The following ZDHHC7 variants were observed in gnomAD, a reference collection of about 807,000 sequenced individuals.
The protein encoded by ZDHHC7 is zDHHC palmitoyltransferase 7.
A neutral mutation model predicts 34.1 loss-of-function variants in ZDHHC7; 12 were observed. The observed-to-expected ratio is 0.35, with a 90% CI of 0.23 to 0.57. The LOEUF (loss-of-function observed/expected upper bound fraction) is 0.57, where lower values mean the gene tolerates loss of function less well. Ranked by LOEUF, ZDHHC7 falls within the 20% of genes least tolerant of loss-of-function variation. The pLI is 0.84. For missense variants in ZDHHC7, 388 were observed against 402.7 expected, an observed-to-expected ratio of 0.96 and a Z score of 0.31; for synonymous variants, 185 against 155.4, an observed-to-expected ratio of 1.19 and a Z score of -1.42.
chr16:84,978,656 A>G (rs1320055616), intron 5 of ZDHHC7, among the ~76,000 whole-genome samples: 2 of 152,168 alleles, frequency 1.3e-5, no homozygotes, highest in African/African-American at 4.8e-5. Flanking sequence ...TGAGGTCGGG[A>G]GTTCAAGACC....
chr16:84,993,187 G>A (rs1040732198), intron 2 of ZDHHC7, among the ~76,000 whole-genome samples: 13 of 151,826 alleles, frequency 8.6e-5, no homozygotes, highest in African/African-American at 3.1e-4. Flanking sequence ...CAGGCATGGT[G>A]GCTTGCGCTT....
At chr16:84,987,029 G>A (rs191459236) in intron 3 of ZDHHC7, among the ~76,000 whole-genome samples, 5 of 152,322 alleles carry the variant, frequency 3.3e-5, no homozygotes, top group African/African-American at 9.6e-5. Context: ...CCTGCTCTGA[G>A]GACTGCCCTT....
chr16:85,004,713 G>A (rs147242245), intron 1 of ZDHHC7, among the ~76,000 whole-genome samples: 1 of 152,138 alleles, frequency 6.6e-6, no homozygotes, highest in Non-Finnish European at 1.5e-5. Flanking sequence ...CATTTCTTGA[G>A]TGAATAAGTA....
At chr16:84,980,032 C>G (rs567069399) in intron 4 of ZDHHC7, among the ~76,000 whole-genome samples, 2 of 149,144 alleles carry the variant, frequency 1.3e-5, no homozygotes, top group East Asian at 4.0e-4. Flanking sequence ...TCAATCTCAG[C>G]TCCCTGCAAG....
At chr16:84,977,609 G>A (rs1444771564) in intron 6 of ZDHHC7, among the ~76,000 whole-genome samples, 2 of 152,176 alleles carry the variant, frequency 1.3e-5, no homozygotes, top group Non-Finnish European at 2.9e-5. Flanking sequence ...AGACCTCACT[G>A]CATATCTAAG....
chr16:85,022,167 A>G, the ZDHHC7 span, among the ~76,000 whole-genome samples: 2 of 151,338 alleles, frequency 1.3e-5, no homozygotes, highest in Admixed American at 6.6e-5. Context: ...CTCAAAAAAA[A>G]AAAAGGGCAA....
chr16:85,016,941 T>C, the ZDHHC7 span, among the ~76,000 whole-genome samples: 26 of 121,508 alleles, frequency 2.1e-4, no homozygotes, highest in South Asian at 5.4e-4. Flanking sequence ...ATTTCTTTTT[T>C]CTTTTGCTTT....
At chr16:84,996,899 C>T (rs914503469) in intron 1 of ZDHHC7, among the ~76,000 whole-genome samples, 1 of 151,708 alleles carries the variant, frequency 6.6e-6, no homozygotes, top group African/African-American at 2.4e-5. Flanking sequence ...TGGTGGTGGG[C>T]GCTTGTAATC....
intron 1 of ZDHHC7, among the ~76,000 whole-genome samples, chr16:84,999,916 G>T (rs941223516): frequency 5.9e-5 from 9 of 152,280 alleles, no homozygotes; most frequent in Admixed American, 3.3e-4. Flanking sequence ...GGAGTCCAAG[G>T]CAGGATCACT....
intron 1 of ZDHHC7, among the ~76,000 whole-genome samples, chr16:85,007,880 C>T (rs1373581934): frequency 5.3e-5 from 8 of 151,928 alleles, no homozygotes; most frequent in South Asian, 2.1e-4. Context: ...AACATGCCTC[C>T]GGGCGGCCAA....
intron 1 of ZDHHC7, among the ~76,000 whole-genome samples, chr16:85,007,732 T>C (rs544306276): frequency 6.6e-5 from 10 of 152,174 alleles, no homozygotes; most frequent in African/African-American, 2.2e-4. Context: ...CCCTGTGGCC[T>C]GTGTCTCCTC....
intron 3 of ZDHHC7, among the ~76,000 whole-genome samples, chr16:84,988,350 G>C (rs958593571): frequency 3.3e-5 from 5 of 152,098 alleles, no homozygotes; most frequent in African/African-American, 9.7e-5. Flanking sequence ...TGGACACTCT[G>C]TGGATGCACT....
chr16:84,987,818 C>T (rs1400608427), intron 3 of ZDHHC7, among the ~76,000 whole-genome samples: 1 of 152,194 alleles, frequency 6.6e-6, no homozygotes, highest in African/African-American at 2.4e-5. Flanking sequence ...CCCGAAGACG[C>T]AATGCCTGGT....
chr16:84,986,933 G>A (rs568806261), intron 3 of ZDHHC7, among the ~76,000 whole-genome samples: 24 of 152,174 alleles, frequency 1.6e-4, no homozygotes, highest in Admixed American at 4.6e-4. Flanking sequence ...CCCACTGGGA[G>A]AACAGAGGTG....
chr16:85,026,580 C>G, the ZDHHC7 span, among the ~76,000 whole-genome samples: 1 of 151,286 alleles, frequency 6.6e-6, no homozygotes, highest in East Asian at 2.0e-4. Flanking sequence ...GTCTACAGTT[C>G]AAGTCTACAT....
At chr16:85,006,997 A>G (rs187298777) in intron 1 of ZDHHC7, among the ~76,000 whole-genome samples, 10 of 151,328 alleles carry the variant, frequency 6.6e-5, no homozygotes, top group Admixed American at 2.0e-4. Flanking sequence ...CCCACTACCT[A>G]TAAGACACCG....
At chr16:84,994,347 T>A (rs555974778) in intron 2 of ZDHHC7, among the ~76,000 whole-genome samples, 10 of 152,336 alleles carry the variant, frequency 6.6e-5, no homozygotes, top group Admixed American at 5.9e-4. Flanking sequence ...CCCAGGTACA[T>A]CAAGGCCGTA....
upstream of ZDHHC7, among the ~76,000 whole-genome samples, chr16:85,012,801 A>C (rs1334462627): frequency 6.6e-6 from 1 of 152,110 alleles, no homozygotes; most frequent in East Asian, 1.9e-4. Flanking sequence ...GCTACTCGGG[A>C]GGCTGAGGCA....
chr16:85,011,196 A>G (rs2072786657), intron 1 of ZDHHC7, 90 bp downstream of exon 1: 2 of 152,322 alleles, frequency 1.3e-5, no homozygotes, highest in African/African-American at 4.8e-5. Context: ...GAGCGGCGGA[A>G]CCGACGGAAG....
Sources: allele counts gnomAD v4.1 joint callset (sites outside exome capture counted in the v4.1 genomes callset), GRCh38; gene constraint gnomAD v4.1.1; transcripts MANE v1.5; gene names NCBI Gene and HGNC (gene_info 2026-07-23, HGNC 2026-07-21).